PTPRA: variants seen among roughly 807,000 people sequenced by gnomAD.
PTPRA encodes protein tyrosine phosphatase receptor type A, also known as receptor-type tyrosine-protein phosphatase alpha.
Under a neutral mutation model 104.8 loss-of-function variants are expected in PTPRA, and 25 were observed. That is an observed-to-expected ratio of 0.24 (90% CI 0.17 to 0.33). The LOEUF (loss-of-function observed/expected upper bound fraction) is 0.33, where lower values mean the gene tolerates loss of function less well. Ranked by LOEUF, PTPRA falls within the 10% of genes least tolerant of loss-of-function variation. PTPRA has a pLI of 1.00. For synonymous variants in PTPRA, 323 were observed against 368.9 expected (o/e 0.88, Z 1.43); for missense variants, 765 against 1,015.3 (o/e 0.75, Z 3.35).
chr20:2,917,939 C>T (rs371175313), intron 1 of PTPRA, among the ~76,000 whole-genome samples: 60 of 151,638 alleles, frequency 4.0e-4, no homozygotes, highest in African/African-American at 1.4e-3. Context: ...AAATACAAAA[C>T]TTAGCTGGGC....
intron 6 of PTPRA, among the ~76,000 whole-genome samples, chr20:2,983,461 A>C (rs897486822): frequency 1.3e-5 from 2 of 151,130 alleles, no homozygotes; most frequent in Non-Finnish European, 2.9e-5. Context: ...GCTTTCCTAG[A>C]GATCACTCTG....
At chr20:2,937,578 G>A (rs1005584212) in intron 2 of PTPRA, among the ~76,000 whole-genome samples, 1 of 152,108 alleles carries the variant, frequency 6.6e-6, no homozygotes, top group African/African-American at 2.4e-5. Flanking sequence ...ATGTGTGTCT[G>A]TATATGAATA....
At chr20:2,999,357 AT>A (rs2063534763) in intron 9 of PTPRA, among the ~76,000 whole-genome samples, 1 of 152,216 alleles carries the variant, frequency 6.6e-6, no homozygotes, top group Admixed American at 6.5e-5. Context: ...TGACAAGCTG[AT>A]TCTAAAATTT....
At chr20:3,020,863 GA>G (rs2064832730) in intron 13 of PTPRA, among the ~76,000 whole-genome samples, 1 of 152,204 alleles carries the variant, frequency 6.6e-6, no homozygotes, top group Non-Finnish European at 1.5e-5. Flanking sequence ...TCAGGCAACA[GA>G]AAAAGCTCTA....
At position 2,954,516 on chromosome 20, in the gene PTPRA, C is replaced by T. The variant is rs569177814; in HGVS notation, c.-7+6492C>T. Among the ~76,000 whole-genome samples, 12 of 152,360 alleles carry T rather than the reference C, an allele frequency of 7.9e-5. No individual in the cohort carries two copies. In the South Asian group the frequency reaches 1.2e-3, roughly 16 times the overall value. Reference sequence around the variant, plus strand: ...GGGATTACAGGCATGAGCCACCACACCTGGCCCCTTTGCCCATTTTAAAAA... The same window carrying T: ...GGGATTACAGGCATGAGCCACCACATCTGGCCCCTTTGCCCATTTTAAAAA... On this transcript the variant is annotated intron_variant, in intron 3 of 23. Transcript: ENST00000399903.
At chr20:2,977,375 T>C (rs942098831) in intron 6 of PTPRA, among the ~76,000 whole-genome samples, 1 of 151,560 alleles carries the variant, frequency 6.6e-6, no homozygotes, top group African/African-American at 2.4e-5. Flanking sequence ...AGAGTTGATA[T>C]TCTTGTTTTA....
chr20:2,969,212 CA>C (rs372710655), intron 5 of PTPRA, among the ~76,000 whole-genome samples: 139 of 138,502 alleles, frequency 1.0e-3, no homozygotes, highest in East Asian at 4.9e-3. Context: ...GACTCTATCT[CA>C]AAAAAAAAAA....
intron 9 of PTPRA, among the ~76,000 whole-genome samples, chr20:2,995,062 A>C (rs965663206): frequency 1.3e-5 from 2 of 152,140 alleles, no homozygotes; most frequent in African/African-American, 2.4e-5. Flanking sequence ...CCCGGGAGGC[A>C]GAGGTTGCAG....
At chr20:2,888,242 T>C (rs1487715921) in intron 1 of PTPRA, among the ~76,000 whole-genome samples, 1 of 152,034 alleles carries the variant, frequency 6.6e-6, no homozygotes, top group East Asian at 1.9e-4. Flanking sequence ...ATGACTGACA[T>C]GGTGGGGAAG....
At chr20:2,937,865 A>G (rs2147607127) in intron 2 of PTPRA, among the ~76,000 whole-genome samples, 1 of 152,358 alleles carries the variant, frequency 6.6e-6, no homozygotes. Context: ...TTCTTTCAGC[A>G]TTTGAAAAAT....
At chr20:3,034,812 C>T (rs2065718264) in intron 20 of PTPRA, among the ~76,000 whole-genome samples, 1 of 152,092 alleles carries the variant, frequency 6.6e-6, no homozygotes, top group African/African-American at 2.4e-5. Context: ...TGAAGAATCT[C>T]AGATCTTACC....
chr20:2,989,464 T>C (rs1264747655), intron 9 of PTPRA, among the ~76,000 whole-genome samples: 3 of 152,100 alleles, frequency 2.0e-5, no homozygotes, highest in Admixed American at 2.0e-4. Flanking sequence ...ATAAATGATA[T>C]TTTAATTGAT....
intron 13 of PTPRA, among the ~76,000 whole-genome samples, chr20:3,020,298 C>T (rs937191627): frequency 1.3e-4 from 20 of 151,934 alleles, no homozygotes; most frequent in Non-Finnish European, 1.0e-4. Flanking sequence ...CGGGGTTTCA[C>T]TGTGTTAGGC....
At chr20:2,900,926 C>T (rs1437735126) in intron 1 of PTPRA, among the ~76,000 whole-genome samples, 1 of 151,016 alleles carries the variant, frequency 6.6e-6, no homozygotes, top group South Asian at 2.1e-4. Flanking sequence ...GTTGATTGTT[C>T]CCTCCCTAGA....
chr20:3,017,294 G>A (rs1226785481), intron 12 of PTPRA, among the ~76,000 whole-genome samples: 3 of 152,272 alleles, frequency 2.0e-5, no homozygotes, highest in Non-Finnish European at 2.9e-5. Context: ...CCTCTCTGCT[G>A]TGTTGGATCT....
At chr20:2,881,959 C>T (rs891219208) in intron 1 of PTPRA, among the ~76,000 whole-genome samples, 1 of 152,014 alleles carries the variant, frequency 6.6e-6, no homozygotes, top group Non-Finnish European at 1.5e-5. Flanking sequence ...GAGGTTGCGC[C>T]GCTGTACTCC....
chr20:2,933,011 T>TAGATCA (rs1033422762), intron 2 of PTPRA, among the ~76,000 whole-genome samples: 2 of 152,194 alleles, frequency 1.3e-5, no homozygotes, highest in African/African-American at 2.4e-5. Context: ...ATTGGGGAGA[T>TAGATCA]AGATCATATA....
chr20:2,986,010 G>T (rs1290312603), intron 6 of PTPRA, among the ~76,000 whole-genome samples: 1 of 152,114 alleles, frequency 6.6e-6, no homozygotes, highest in Non-Finnish European at 1.5e-5. Flanking sequence ...CTAAGCTCCA[G>T]TGATCCTCCT....
chr20:3,035,807 G>C lies in PTPRA; in HGVS notation c.2064G>C (p.Gln688His), dbSNP rs781150841. Residue 688 changes from glutamine to histidine, a missense_variant, in exon 22 of 24, where the codon CAG becomes CAC. Gln to His is a conservative substitution (Grantham distance 24). This residue lies in a region of PTPRA where 192 missense variants were observed against 227.0 expected (regional missense o/e 0.85). Transcript: ENST00000399903. This position sits in a 1 kb window ranked among gnomAD's most constrained non-coding sequence, Gnocchi z 5.8. Reference sequence around the variant, plus strand: ...TTCCAAAGGAGAATAAGAGCCGGCAGATCCGGCAGTTCCACTTCCATGGCT... The same window carrying C: ...TTCCAAAGGAGAATAAGAGCCGGCACATCCGGCAGTTCCACTTCCATGGCT... ...VTNTRENKSR[Q>H]IRQFHFHGWP... 1 of 1,614,222 alleles carries C rather than the reference G, an allele frequency of 6.2e-7. No homozygotes were observed. The highest frequency in any genetic ancestry group is 1.1e-5 in the South Asian group (1 of 91,088).
Sources: allele counts gnomAD v4.1 joint callset (sites outside exome capture counted in the v4.1 genomes callset), GRCh38; gene constraint gnomAD v4.1.1; regional missense constraint gnomAD v4.1.1; non-coding constraint Gnocchi (gnomAD v3.1); transcripts MANE v1.5; gene names NCBI Gene and HGNC (gene_info 2026-07-23, HGNC 2026-07-21).